HERC1: variants seen among roughly 807,000 people sequenced by gnomAD.
HERC1 encodes HECT and RLD domain containing E3 ubiquitin protein ligase family member 1.
Under a neutral mutation model 554.3 loss-of-function variants are expected in HERC1, and 160 were observed. That is an observed-to-expected ratio of 0.29 (90% CI 0.25 to 0.33). HERC1 has a LOEUF of 0.33. HERC1 is among the 10% of genes least tolerant of loss of function. HERC1 has a pLI of 1.00. For missense variants in HERC1, 4,919 were observed against 5,918.5 expected (o/e 0.83, Z 5.54); for synonymous variants, 2,175 against 2,131.7 (o/e 1.02, Z -0.56).
At chr15:63,744,582 G>A (rs2074984539) in intron 12 of HERC1, among the ~76,000 whole-genome samples, 3 of 152,010 alleles carry the variant, frequency 2.0e-5, no homozygotes, top group Admixed American at 2.0e-4. Flanking sequence ...TTTCACTTGT[G>A]CCTCCCCTTT....
chr15:63,648,160 G>C lies in HERC1; in HGVS notation c.10787C>G (p.Pro3596Arg). The C allele has an allele frequency of 6.2e-7, 1 of 1,600,702 alleles. No individual in the cohort carries two copies. Residue 3596 changes from proline (P) to arginine (R), a missense_variant, in exon 55 of 78, where the codon CCA becomes CGA. Pro to Arg is a moderately radical substitution (Grantham distance 103). This residue lies in a region of HERC1 where 1,963 missense variants were observed against 2,228.6 expected (regional missense o/e 0.88). Coordinates refer to ENST00000443617, the MANE Select transcript of HERC1 (RefSeq NM_003922.4). ...TCIAWFSEDR[P>R]FAVGYFDGKL... ...TCCATCAAAATATCCCACTGCAAATGGTCTGTCTTCACTGAACCATGCAAT... is the reference window on the plus strand; with the variant it reads ...TCCATCAAAATATCCCACTGCAAATCGTCTGTCTTCACTGAACCATGCAAT...
rs758684341 is a variant in HERC1 at position 63,756,396 on chromosome 15, A to G, written c.1533+41T>C. ...AACGACATTGTCAATTACAACTCCA[A>G]TGCATCTAATTATTTTTATAACCAA... On this transcript the variant is annotated intron_variant, in intron 5 of 77. Transcript: ENST00000443617. This position sits in a 1 kb window ranked among gnomAD's most constrained non-coding sequence, Gnocchi z 5.0. The G allele has an allele frequency of 6.8e-7, 1 of 1,479,374 alleles. No individual in the cohort carries two copies. The highest frequency in any genetic ancestry group is 9.3e-7 in the Non-Finnish European group (1 of 1,079,734). The allele number at this position is 1,479,374 out of a possible 1,614,324, so 91.6% of individuals were successfully genotyped here.
At chr15:63,784,925 T>G (rs2076394806) in intron 1 of HERC1, among the ~76,000 whole-genome samples, 1 of 152,168 alleles carries the variant, frequency 6.6e-6, no homozygotes, top group Admixed American at 6.6e-5. Flanking sequence ...AGTGCAAATT[T>G]TCAAAAAGCA....
chr15:63,615,164 C>T (rs1252406875), intron 76 of HERC1, among the ~76,000 whole-genome samples: 1 of 152,042 alleles, frequency 6.6e-6, no homozygotes, highest in Non-Finnish European at 1.5e-5. Context: ...ACAAACAGGA[C>T]TAAGGAGGAG....
At chr15:63,819,405 A>G (rs2077607709) in intron 1 of HERC1, among the ~76,000 whole-genome samples, 1 of 152,244 alleles carries the variant, frequency 6.6e-6, no homozygotes, top group African/African-American at 2.4e-5. Context: ...CTAAAAAACT[A>G]TAAATAAATG....
chr15:63,781,774 G>A (rs2076295647), intron 1 of HERC1, among the ~76,000 whole-genome samples: 1 of 152,198 alleles, frequency 6.6e-6, no homozygotes, highest in Non-Finnish European at 1.5e-5. Context: ...TCTTGCGCCA[G>A]TTAGCCAAGT....
At chr15:63,744,164 G>GTGTCTCTCTCTCTCTCTCTCTCTCTC in intron 12 of HERC1, among the ~76,000 whole-genome samples, 1 of 46,222 alleles carries the variant, frequency 2.2e-5, no homozygotes, top group African/African-American at 6.7e-5. Context: ...GTGTGTGTGT[G>GTGTCTCTCTCTCTCTCTCTCTCTCTC]TCTCTCTCTC....
chr15:63,630,583 T>C lies in HERC1; in HGVS notation c.12849A>G (p.Gln4283=). ...TTACTCCAGCCAGGACAGGGATTTG[T>C]TGCGGTCGATTGTGATTGCGAGCAC... is the stretch of plus-strand genomic sequence containing the variant. ...EGRARNHNRP[Q]QIPVLAGVII... is the part of the protein sequence containing the mutation. Residue 4283 remains glutamine (Q), a synonymous_variant, in exon 69 of 78, where the codon CAA becomes CAG. Coordinates refer to ENST00000443617, the MANE Select transcript of HERC1 (RefSeq NM_003922.4). The C allele has an allele frequency of 1.2e-6, 2 of 1,613,982 alleles. No individual in the cohort carries two copies. Among genetic ancestry groups the C allele is most frequent in the Non-Finnish European group, 1.7e-6 (2 of 1,179,878 alleles).
intron 10 of HERC1, 34 bp from the exon 11 acceptor site, chr15:63,747,892 C>A (rs778706646): frequency 3.6e-5 from 55 of 1,508,870 alleles, no homozygotes; most frequent in Non-Finnish European, 4.7e-5. Flanking sequence ...ATAAAACAGT[C>A]TTAAAATGAA....
chr15:63,747,846 T>C lies in HERC1; in HGVS notation c.2232A>G (p.Ala744=), dbSNP rs2075111344. ...GATCTACACAATAAGGTCGGTGCCA[T>C]GCAACAACTTGTCTAGAAGGACACA... ...TALPRDRQVV[A]WHRPYCVDLE... is the part of the protein sequence containing the mutation. Residue 744 remains alanine, a synonymous_variant, in exon 11 of 78, where the codon GCA becomes GCG. Coordinates refer to ENST00000443617, the MANE Select transcript of HERC1 (RefSeq NM_003922.4). 6.5e-7 allele frequency: 1 copy of C among 1,547,348 alleles called. No homozygotes were observed. The highest frequency in any genetic ancestry group is 2.4e-5 in the East Asian group (1 of 40,922).
At chr15:63,628,307 T>C (rs920202488) in intron 70 of HERC1, among the ~76,000 whole-genome samples, 3 of 152,104 alleles carry the variant, frequency 2.0e-5, no homozygotes, top group Admixed American at 6.5e-5. Context: ...CAGCAGTCAT[T>C]TGAACCTGGG....
intron 4 of HERC1, among the ~76,000 whole-genome samples, chr15:63,757,356 C>G (rs1360338949): frequency 1.4e-5 from 2 of 147,284 alleles, no homozygotes; most frequent in Admixed American, 1.4e-4. Flanking sequence ...CCTCCACTTA[C>G]CAGGTTCAAG....
At chr15:63,670,510 T>C (rs189494327) in intron 39 of HERC1, among the ~76,000 whole-genome samples, 24 of 152,262 alleles carry the variant, frequency 1.6e-4, no homozygotes, top group Admixed American at 1.6e-3. Context: ...CTCTACTAAA[T>C]GATGTTCGCC....
chr15:63,716,559 G>T, intron 21 of HERC1, 86 bp from the exon 22 acceptor site: 1 of 1,121,902 alleles, frequency 8.9e-7, no homozygotes, highest in Non-Finnish European at 1.2e-6. Context: ...TTTTTATCAT[G>T]GAAAATATTG....
chr15:63,711,557 A>C (rs908249933), intron 24 of HERC1, among the ~76,000 whole-genome samples: 11 of 152,200 alleles, frequency 7.2e-5, no homozygotes, highest in African/African-American at 2.7e-4. Context: ...TAGATGAGGA[A>C]TCCTTTATGG....
At chr15:63,706,118 A>T (rs905151694) in intron 25 of HERC1, among the ~76,000 whole-genome samples, 2 of 151,340 alleles carry the variant, frequency 1.3e-5, no homozygotes, top group African/African-American at 4.8e-5. Flanking sequence ...GATTTACACT[A>T]TCTAAAACTG....
At chr15:63,715,309 T>C (rs1482695359) in intron 22 of HERC1, among the ~76,000 whole-genome samples, 1 of 152,214 alleles carries the variant, frequency 6.6e-6, no homozygotes, top group African/African-American at 2.4e-5. Flanking sequence ...CAGATGACTA[T>C]CATTCTTTTA....
At chr15:63,706,679 G>T in intron 25 of HERC1, 101 bp downstream of exon 25, 1 of 619,456 alleles carries the variant, frequency 1.6e-6, no homozygotes. Flanking sequence ...AAATACATCA[G>T]ATATAAAAAC....
intron 70 of HERC1, among the ~76,000 whole-genome samples, chr15:63,627,462 T>G (rs7167130): frequency 0.13 from 19,367 of 151,902 alleles, 1,350 homozygotes; most frequent in Middle Eastern, 0.17. Context: ...AGACTTGAGG[T>G]CAGGAGTTCA....
Sources: allele counts gnomAD v4.1 joint callset (sites outside exome capture counted in the v4.1 genomes callset), GRCh38; gene constraint gnomAD v4.1.1; regional missense constraint gnomAD v4.1.1; non-coding constraint Gnocchi (gnomAD v3.1); transcripts MANE v1.5; gene names NCBI Gene and HGNC (gene_info 2026-07-23, HGNC 2026-07-21).